WDFY3: variants seen among roughly 807,000 people sequenced by gnomAD.
WDFY3 encodes WD repeat and FYVE domain-containing protein 3.
Under a neutral mutation model 409.6 loss-of-function variants are expected in WDFY3, and 66 were observed. The ratio of observed to expected loss-of-function variants is 0.16; its 90% CI spans 0.13 to 0.20. WDFY3 has a LOEUF of 0.20. Ranked by LOEUF, WDFY3 falls within the 10% of genes least tolerant of loss-of-function variation. The pLI is 1.00. For synonymous variants in WDFY3, 1,521 were observed against 1,537.1 expected (o/e 0.99, Z 0.25); for missense variants, 3,031 against 4,298.1 (o/e 0.71, Z 8.24).
At chr4:84,823,237 G>A (rs1329422181) in intron 10 of WDFY3, among the ~76,000 whole-genome samples, 2 of 152,116 alleles carry the variant, frequency 1.3e-5, no homozygotes, top group South Asian at 2.1e-4. Context: ...GGCACATTCA[G>A]ATACCCATAT....
At chr4:84,763,051 A>T (rs962133785) in intron 32 of WDFY3, among the ~76,000 whole-genome samples, 12 of 151,262 alleles carry the variant, frequency 7.9e-5, no homozygotes, top group East Asian at 1.9e-4. Flanking sequence ...TGCAAGTCCT[A>T]AAAAAAAACC....
At position 84,823,484 on chromosome 4, in the gene WDFY3, T is replaced by C. The variant is rs1754386999; in HGVS notation, c.1124-1933A>G. Among the ~76,000 whole-genome samples, 4 of 151,940 alleles carry C rather than the reference T, an allele frequency of 2.6e-5. No homozygotes were observed. In the East Asian group the frequency reaches 7.7e-4, roughly 29 times the overall value. On this transcript the variant is annotated intron_variant, in intron 10 of 67. Transcript: ENST00000295888. The stretch of plus-strand genomic sequence containing the variant: ...TTTAAAACTTCCATTTCTCAAAAGA[T>C]GCGTTAAAAAAAAACCAGCAAGTCA...
intron 26 of WDFY3, among the ~76,000 whole-genome samples, chr4:84,779,605 T>C (rs1393549015): frequency 6.6e-6 from 1 of 152,000 alleles, no homozygotes; most frequent in Non-Finnish European, 1.5e-5. Context: ...TTTTCAGGAA[T>C]AGCAATGGTA....
At chr4:84,734,761 A>G (rs1737153873) in intron 43 of WDFY3, among the ~76,000 whole-genome samples, 2 of 152,252 alleles carry the variant, frequency 1.3e-5, no homozygotes, top group African/African-American at 4.8e-5. Flanking sequence ...TATTAGGAAC[A>G]AAGACATGTA....
intron 4 of WDFY3, among the ~76,000 whole-genome samples, chr4:84,854,146 G>C (rs751189168): frequency 1.2e-4 from 19 of 152,164 alleles, no homozygotes; most frequent in Non-Finnish European, 2.5e-4. Context: ...GGTGCCAAAG[G>C]ATGACACTGA....
intron 51 of WDFY3, among the ~76,000 whole-genome samples, chr4:84,712,373 TAAAA>T (rs998951453): frequency 2.5e-4 from 19 of 75,100 alleles, no homozygotes; most frequent in African/African-American, 6.0e-4. Context: ...AGAAAAAAAT[TAAAA>T]AAAAAAAAAA....
intron 33 of WDFY3, among the ~76,000 whole-genome samples, chr4:84,755,708 A>C (rs1741319611): frequency 6.6e-6 from 1 of 152,214 alleles, no homozygotes; most frequent in South Asian, 2.1e-4. Flanking sequence ...CCAAGAGATA[A>C]AATTATAGAA....
chr4:84,780,961 G>C (rs555425735), intron 25 of WDFY3, among the ~76,000 whole-genome samples: 1 of 152,220 alleles, frequency 6.6e-6, no homozygotes, highest in African/African-American at 2.4e-5. Context: ...ATGCATTTCT[G>C]AGTAAGTAAG....
intron 56 of WDFY3, among the ~76,000 whole-genome samples, 173 bp downstream of exon 56, chr4:84,702,180 G>C (rs1208039625): frequency 1.3e-5 from 2 of 152,082 alleles, no homozygotes; most frequent in East Asian, 1.9e-4. Flanking sequence ...GCTAATTTTT[G>C]TAACGACAAA....
intron 3 of WDFY3, among the ~76,000 whole-genome samples, chr4:84,882,343 G>A (rs191362867): frequency 2.0e-5 from 3 of 152,246 alleles, no homozygotes; most frequent in Non-Finnish European, 4.4e-5. Context: ...TCTGGCGTGA[G>A]GTCAGTAATC....
rs1399998600 is a variant in WDFY3 at position 84,678,199 on chromosome 4, G to T, written c.10228C>A (p.Pro3410Thr). ...TAFDRKDNAHPAEVTALGISK... is the reference protein window; with the variant it reads ...TAFDRKDNAHTAEVTALGISK... ...ATGCCCAAGGCAGTGACCTCAGCTG[G>T]GTGTGCATTGTCCTTTCGATCAAAG... Residue 3410 changes from proline (P) to threonine (T), a missense_variant, in exon 66 of 68, where the codon CCA becomes ACA. By Grantham distance (38) the Pro-to-Thr change is conservative. This residue lies in a region of WDFY3 where 378 missense variants were observed against 477.3 expected (regional missense o/e 0.79). Coordinates refer to ENST00000295888, the MANE Select transcript of WDFY3 (RefSeq NM_014991.6). 1 of 1,614,082 alleles carries T rather than the reference G, an allele frequency of 6.2e-7. No individual in the cohort carries two copies. The highest frequency in any genetic ancestry group is 2.2e-5 in the East Asian group (1 of 44,874).
intron 15 of WDFY3, among the ~76,000 whole-genome samples, chr4:84,804,633 A>G (rs1228405605): frequency 6.6e-6 from 1 of 152,176 alleles, no homozygotes; most frequent in Non-Finnish European, 1.5e-5. Context: ...AATATTCAAA[A>G]TGTGTATTAC....
At chr4:84,831,893 T>C (rs1755792498) in intron 7 of WDFY3, among the ~76,000 whole-genome samples, 1 of 152,152 alleles carries the variant, frequency 6.6e-6, no homozygotes, top group Admixed American at 6.5e-5. Context: ...TTGGTGAGAA[T>C]GTAAATTAGT....
At chr4:84,942,321 T>C (rs1772249260) in intron 1 of WDFY3, among the ~76,000 whole-genome samples, 1 of 151,720 alleles carries the variant, frequency 6.6e-6, no homozygotes, top group Non-Finnish European at 1.5e-5. Context: ...AAATATATAA[T>C]GAATTCTTTA....
chr4:84,737,539 A>G (rs1737659042), intron 40 of WDFY3, among the ~76,000 whole-genome samples, 173 bp from the exon 41 acceptor site: 1 of 152,192 alleles, frequency 6.6e-6, no homozygotes, highest in Non-Finnish European at 1.5e-5. Flanking sequence ...TATTTAGACA[A>G]CTGAAACTGT....
rs1041703852 is a variant in WDFY3, at chr4:84,844,399, G to A, written c.305-3136C>T. ...CAGAAAAACAATATTAGAACTCACAGCTTCCATGCTTCTTTTCATTTGACA... is the reference window on the plus strand; with the variant it reads ...CAGAAAAACAATATTAGAACTCACAACTTCCATGCTTCTTTTCATTTGACA... On this transcript the variant is annotated intron_variant, in intron 5 of 67. Transcript: ENST00000295888. 44 of 1,272,276 alleles carry A rather than the reference G, an allele frequency of 3.5e-5. No individual in the cohort carries two copies. In the African/African-American group the frequency reaches 5.7e-4, roughly 16 times the overall value. The allele number at this position is 1,272,276 out of a possible 1,614,324, so 78.8% of individuals were successfully genotyped here. A position where few individuals can be genotyped will look rare whatever the true frequency, so the allele number is the denominator to read the frequency against.
At chr4:84,760,277 T>G (rs1192578638) in intron 32 of WDFY3, among the ~76,000 whole-genome samples, 1 of 152,200 alleles carries the variant, frequency 6.6e-6, no homozygotes, top group African/African-American at 2.4e-5. Flanking sequence ...TTTTTGGTTG[T>G]GTCTCTGCCC....
At chr4:84,828,951 T>C in intron 9 of WDFY3, 53 bp downstream of exon 9, 1 of 1,467,344 alleles carries the variant, frequency 6.8e-7, no homozygotes, top group East Asian at 2.4e-5. Flanking sequence ...TTTTCTTTGA[T>C]AAAAAAGACT....
chr4:84,688,013 C>A, intron 62 of WDFY3, 73 bp downstream of exon 62: 1 of 1,486,154 alleles, frequency 6.7e-7, no homozygotes, highest in Non-Finnish European at 9.2e-7. Flanking sequence ...TTCCCCTGAG[C>A]CCCACCATTT....
Sources: allele counts gnomAD v4.1 joint callset (sites outside exome capture counted in the v4.1 genomes callset), GRCh38; gene constraint gnomAD v4.1.1; regional missense constraint gnomAD v4.1.1; transcripts MANE v1.5; gene names NCBI Gene and HGNC (gene_info 2026-07-23, HGNC 2026-07-21).